The following KPNA3 variants were observed in gnomAD, a reference collection of about 807,000 sequenced individuals.
KPNA3 encodes karyopherin subunit alpha 3, also known as importin subunit alpha-4.
Under a neutral mutation model 73.8 loss-of-function variants are expected in KPNA3, and 13 were observed. The ratio of observed to expected loss-of-function variants is 0.18; its 90% CI spans 0.11 to 0.28. KPNA3 has a LOEUF of 0.28. Among genes scored for constraint, KPNA3 ranks in the 10% least tolerant of loss-of-function variants. The probability of loss-of-function intolerance (pLI) is 1.00; values close to 1 mark genes in which losing one functional copy is unlikely to be tolerated. For missense variants in KPNA3, 360 were observed against 618.1 expected, an observed-to-expected ratio of 0.58 and a Z score of 4.43; for synonymous variants, 186 against 206.9, an observed-to-expected ratio of 0.90 and a Z score of 0.87.
At position 49,700,866 on chromosome 13, in the gene KPNA3, A is replaced by C; in HGVS notation, c.*934T>G. ...GCTGAAAGCAAGATTTTTTTAAAAA[A>C]CATCACCAATGGGTATTTTAGACTT... On this transcript the variant is annotated 3_prime_UTR_variant, in exon 17 of 17. Transcript: ENST00000261667. The C allele has an allele frequency of 6.6e-6, 1 of 152,504 alleles. No individual in the cohort carries two copies. Among genetic ancestry groups the C allele is most frequent in the East Asian group, 1.9e-4 (1 of 5,206 alleles). The allele number at this position is 152,504 out of a possible 1,614,324, so 9.4% of individuals were successfully genotyped here.
rs888784830 is a variant in KPNA3, at chr13:49,700,217, GTTGT to G, written c.*1579_*1582del. The G allele has an allele frequency of 6.6e-6, 1 of 152,556 alleles. No individual in the cohort carries two copies. The highest frequency in any genetic ancestry group is 2.4e-5 in the African/African-American group (1 of 41,420). The allele number at this position is 152,556 out of a possible 1,614,324, so 9.5% of individuals were successfully genotyped here. The stretch of plus-strand genomic sequence containing the variant: ...TGTAATGAATGCACACCTGCTATGT[GTTGT>G]TTATCAGTGAAAACACCCCAGCTGA... On this transcript the variant is annotated 3_prime_UTR_variant, in exon 17 of 17. Transcript: ENST00000261667.
chr13:49,734,956 G>GAT lies in KPNA3; in HGVS notation c.115-1911_115-1910insAT, dbSNP rs1390111025. 2.1e-3 allele frequency among the ~76,000 whole-genome samples: 323 copies of GAT among 150,266 alleles called. 2 individuals are homozygous for GAT. The highest frequency in any genetic ancestry group is 7.1e-3 in the African/African-American group (290 of 40,966). ...ATATATATAGAGAGAGAGATAGATA[G>GAT]AGAGAGAGAGAGAGAGAGACATTCT... is the stretch of plus-strand genomic sequence containing the variant. On this transcript the variant is annotated intron_variant, in intron 2 of 16. Coordinates refer to ENST00000261667, the MANE Select transcript of KPNA3 (RefSeq NM_002267.4).
intron 1 of KPNA3, among the ~76,000 whole-genome samples, chr13:49,766,888 G>T (rs1313018309): frequency 1.3e-5 from 2 of 148,196 alleles, no homozygotes; most frequent in Non-Finnish European, 3.0e-5. Flanking sequence ...ATATCAACTA[G>T]AATTTTTTTA....
At chr13:49,716,021 C>G (rs752211471) in intron 10 of KPNA3, among the ~76,000 whole-genome samples, 4 of 151,356 alleles carry the variant, frequency 2.6e-5, no homozygotes, top group Non-Finnish European at 5.9e-5. Flanking sequence ...TTTTTTCTAA[C>G]TAATATAATA....
At chr13:49,759,058 C>T (rs1954736321) in intron 1 of KPNA3, among the ~76,000 whole-genome samples, 2 of 152,080 alleles carry the variant, frequency 1.3e-5, no homozygotes, top group South Asian at 4.1e-4. Flanking sequence ...CATGAAGAGG[C>T]TCCAAATGTT....
chr13:49,747,550 T>C (rs1043187123), intron 1 of KPNA3, among the ~76,000 whole-genome samples: 1 of 152,076 alleles, frequency 6.6e-6, no homozygotes, highest in African/African-American at 2.4e-5. Flanking sequence ...CTGGGTGCAG[T>C]AGCACGCCCC....
intron 1 of KPNA3, among the ~76,000 whole-genome samples, chr13:49,774,423 G>A (rs562502442): frequency 2.8e-4 from 42 of 152,226 alleles, no homozygotes; most frequent in Middle Eastern, 3.4e-3. Flanking sequence ...GTTTCCTCTG[G>A]TTTATAAATT....
chr13:49,763,176 T>C (rs982537199), intron 1 of KPNA3, among the ~76,000 whole-genome samples: 1 of 151,950 alleles, frequency 6.6e-6, no homozygotes, highest in Non-Finnish European at 1.5e-5. Context: ...CCAGAAGAAA[T>C]GATCAGAAAT....
At chr13:49,710,527 G>A (rs2137535269) in intron 11 of KPNA3, among the ~76,000 whole-genome samples, 1 of 152,310 alleles carries the variant, frequency 6.6e-6, no homozygotes, top group Non-Finnish European at 1.5e-5. Flanking sequence ...AATGGAATGG[G>A]AATTGCAAGG....
At chr13:49,707,470 C>CA (rs904577227) in intron 12 of KPNA3, among the ~76,000 whole-genome samples, 1 of 152,090 alleles carries the variant, frequency 6.6e-6, no homozygotes, top group African/African-American at 2.4e-5. Context: ...TTCCAGGGTC[C>CA]TATGATAGTC....
At chr13:49,704,412 CA>C (rs975118692) in intron 15 of KPNA3, among the ~76,000 whole-genome samples, 11 of 117,938 alleles carry the variant, frequency 9.3e-5, no homozygotes, top group Admixed American at 2.7e-4. Flanking sequence ...AACTCTGTCT[CA>C]AAAAAAAAAT....
chr13:49,732,785 GAAA>G lies in KPNA3; in HGVS notation c.205-12_205-10del. 1 of 1,434,870 alleles carries G rather than the reference GAAA, an allele frequency of 7.0e-7. No homozygotes were observed. Among genetic ancestry groups the G allele is most frequent in the Non-Finnish European group, 9.5e-7 (1 of 1,056,668 alleles). The allele number at this position is 1,434,870 out of a possible 1,614,324, so 88.9% of individuals were successfully genotyped here. On this transcript the variant is annotated splice_polypyrimidine_tract_variant and intron_variant, in intron 3 of 16. Coordinates refer to ENST00000261667, the MANE Select transcript of KPNA3 (RefSeq NM_002267.4). ...TCTAGGGTTACATTTTGCTTAAAAA[GAAA>G]AAAAAAATAGTTCAGCAGAGTTTAT...
chr13:49,713,148 G>C (rs1435270764), intron 10 of KPNA3, among the ~76,000 whole-genome samples: 1 of 152,036 alleles, frequency 6.6e-6, no homozygotes, highest in Non-Finnish European at 1.5e-5. Context: ...CCTGTTAAAA[G>C]ACGACCAGTA....
intron 6 of KPNA3, 107 bp from the exon 7 acceptor site, chr13:49,725,608 C>T: frequency 1.6e-6 from 1 of 638,480 alleles, no homozygotes; most frequent in Non-Finnish European, 2.5e-6. Flanking sequence ...CCTTGAATTT[C>T]ACCTTGTTAT....
intron 1 of KPNA3, among the ~76,000 whole-genome samples, chr13:49,747,515 T>C (rs1954627538): frequency 6.6e-6 from 1 of 151,980 alleles, no homozygotes; most frequent in Non-Finnish European, 1.5e-5. Context: ...CAAAACCCCA[T>C]CTCTACTAAA....
intron 10 of KPNA3, 78 bp downstream of exon 10, chr13:49,719,697 G>T: frequency 1.1e-6 from 1 of 929,688 alleles, no homozygotes; most frequent in Non-Finnish European, 1.7e-6. Context: ...TTGATAAAAT[G>T]TATGCTGACA....
intron 1 of KPNA3, among the ~76,000 whole-genome samples, chr13:49,773,829 TA>T (rs1233617524): frequency 6.6e-6 from 1 of 152,174 alleles, no homozygotes; most frequent in African/African-American, 2.4e-5. Context: ...AGGCACCAGA[TA>T]ACTCCTACCT....
chr13:49,775,653 T>G (rs1469620970), intron 1 of KPNA3, among the ~76,000 whole-genome samples: 5 of 152,222 alleles, frequency 3.3e-5, no homozygotes, highest in Non-Finnish European at 7.3e-5. Context: ...CACACCTATC[T>G]TTTCTCTGTG....
intron 12 of KPNA3, among the ~76,000 whole-genome samples, chr13:49,707,517 T>TCA (rs776369452): frequency 2.0e-5 from 3 of 152,100 alleles, no homozygotes; most frequent in Non-Finnish European, 4.4e-5. Context: ...GGCAAAAAAT[T>TCA]TTTGAAGTAA....
Sources: allele counts gnomAD v4.1 joint callset (sites outside exome capture counted in the v4.1 genomes callset), GRCh38; gene constraint gnomAD v4.1.1; transcripts MANE v1.5; gene names NCBI Gene and HGNC (gene_info 2026-07-23, HGNC 2026-07-21).